Variants in METTL25 observed in about 807,000 individuals in gnomAD.
METTL25 encodes the protein probable methyltransferase-like protein 25.
In METTL25, 64 loss-of-function variants were observed where a neutral mutation model predicts 71.6. The observed-to-expected ratio is 0.89, with a 90% CI of 0.73 to 1.10. The LOEUF is 1.10. METTL25 is among the 50% of genes least tolerant of loss of function. The pLI is 0.00. For synonymous variants in METTL25, 287 were observed against 250.3 expected, an observed-to-expected ratio of 1.15 and a Z score of -1.38; for missense variants, 807 against 707.0, an observed-to-expected ratio of 1.14 and a Z score of -1.60.
chr12:82,374,319 T>C (rs1463377988), intron 1 of METTL25: 1 of 152,328 alleles, frequency 6.6e-6, no homozygotes, highest in Admixed American at 6.5e-5. Flanking sequence ...AGGTTGCTGC[T>C]GCTGGCTGGG....
intron 1 of METTL25, among the ~76,000 whole-genome samples, chr12:82,361,143 G>A (rs536675629): frequency 2.5e-3 from 376 of 152,166 alleles, no homozygotes; most frequent in African/African-American, 8.4e-3. Flanking sequence ...GGTCCATTTT[G>A]ACAGGGTGCT....
chr12:82,395,604 T>C (rs901344538), intron 3 of METTL25, among the ~76,000 whole-genome samples: 6 of 152,058 alleles, frequency 3.9e-5, no homozygotes, highest in Non-Finnish European at 8.8e-5. Flanking sequence ...CAGCAAAATG[T>C]ATCTTTACTA....
intron 3 of METTL25, among the ~76,000 whole-genome samples, 181 bp downstream of exon 3, chr12:82,390,103 T>C (rs1885433424): frequency 6.6e-6 from 1 of 152,080 alleles, no homozygotes. Flanking sequence ...CCTAGTATAT[T>C]GTAATTTTAG....
chr12:82,383,158 A>C (rs1486186944), intron 1 of METTL25, among the ~76,000 whole-genome samples: 1 of 152,062 alleles, frequency 6.6e-6, no homozygotes, highest in Non-Finnish European at 1.5e-5. Context: ...CTTGATTCTG[A>C]GAGTCAGGTC....
At chr12:82,393,803 C>T (rs1885824011) in intron 3 of METTL25, among the ~76,000 whole-genome samples, 7 of 151,430 alleles carry the variant, frequency 4.6e-5, no homozygotes. Flanking sequence ...TTGGCTCTTG[C>T]TTTTCTAGTG....
chr12:82,464,940 G>C (rs1892130814), intron 9 of METTL25, among the ~76,000 whole-genome samples: 1 of 151,312 alleles, frequency 6.6e-6, no homozygotes, highest in South Asian at 2.1e-4. Flanking sequence ...AATAATTTTT[G>C]TATGTTGATT....
At chr12:82,441,836 A>G (rs1350572091) in intron 8 of METTL25, among the ~76,000 whole-genome samples, 3 of 40,088 alleles carry the variant, frequency 7.5e-5, no homozygotes, top group East Asian at 2.1e-3. Context: ...CACACACAGA[A>G]AAACCTGTGA....
rs112592060 is a variant in METTL25 at position 82,358,764 on chromosome 12, T to G, written c.199T>G (p.Ser67Ala). ...GCTGGCTGCGCTGAGGAAGTCAGCGTCGGAGACGGAGGCCCTGCCCTCAGA... is the reference window on the plus strand; with the variant it reads ...GCTGGCTGCGCTGAGGAAGTCAGCGGCGGAGACGGAGGCCCTGCCCTCAGA... ...TVLAALRKSA[S>A]ETEALPSETR... Residue 67 changes from serine to alanine, a missense_variant, in exon 1 of 12, where the codon TCG becomes GCG. By Grantham distance (99) the Ser-to-Ala change is moderately conservative (BLOSUM62 1). Transcript: ENST00000248306. 0.081 allele frequency: 129,999 copies of G among 1,613,076 alleles called. 5,828 individuals are homozygous for G. The highest frequency in any genetic ancestry group is 0.093 in the Middle Eastern group (562 of 6,060).
chr12:82,392,632 T>C (rs946225470), intron 3 of METTL25, among the ~76,000 whole-genome samples: 2 of 152,030 alleles, frequency 1.3e-5, no homozygotes, highest in Admixed American at 6.6e-5. Context: ...TAGCTTGATG[T>C]GATCCCATTT....
At chr12:82,420,754 A>G (rs915180715) in intron 5 of METTL25, among the ~76,000 whole-genome samples, 1 of 152,146 alleles carries the variant, frequency 6.6e-6, no homozygotes, top group Non-Finnish European at 1.5e-5. Context: ...GATTTTGTCA[A>G]TTGTACTAAG....
In METTL25 at chr12:82,371,781, G is replaced by A. The variant is rs1024929592; in HGVS notation, c.259+12957G>A. Among the ~76,000 whole-genome samples the A allele has an allele frequency of 9.2e-5, 14 of 152,024 alleles. No individual in the cohort carries two copies. The East Asian group carries it at 1.2e-3, about 13-fold the overall frequency. ...TGACAGGGGAGTATATTTTCTTAACGCCTCCTGTAGCTGCTCAGGGAAGTC... is the reference window on the plus strand; with the variant it reads ...TGACAGGGGAGTATATTTTCTTAACACCTCCTGTAGCTGCTCAGGGAAGTC... On this transcript the variant is annotated intron_variant, in intron 1 of 11. Coordinates refer to ENST00000248306, the MANE Select transcript of METTL25 (RefSeq NM_032230.3).
rs77744323 is a variant in METTL25, at chr12:82,453,878, G to A, written c.1479-2849G>A. Among the ~76,000 whole-genome samples, 18 of 152,130 alleles carry A rather than the reference G, an allele frequency of 1.2e-4. No homozygotes were observed. In the East Asian group the frequency reaches 3.5e-3, roughly 29 times the overall value. ...TGTGAGGTACTATGCTAGGTTCTGG[G>A]GATATTGTTATGAGCAAGACAGCTG... is the stretch of plus-strand genomic sequence containing the variant. On this transcript the variant is annotated intron_variant, in intron 8 of 11. Coordinates refer to ENST00000248306, the MANE Select transcript of METTL25 (RefSeq NM_032230.3).
At chr12:82,477,377 A>T (rs769893583) in intron 11 of METTL25, 25 bp downstream of exon 11, 1 of 1,253,560 alleles carries the variant, frequency 8.0e-7, no homozygotes, top group Non-Finnish European at 1.1e-6. Flanking sequence ...TTTAAAATAC[A>T]CAACAAATAT....
chr12:82,362,018 C>T (rs1161300124), intron 1 of METTL25, among the ~76,000 whole-genome samples: 11 of 152,188 alleles, frequency 7.2e-5, no homozygotes, highest in Non-Finnish European at 1.5e-5. Flanking sequence ...AAACATAATT[C>T]CCAGAGCGCA....
intron 4 of METTL25, among the ~76,000 whole-genome samples, chr12:82,400,042 G>A (rs555242544): frequency 6.6e-5 from 10 of 151,558 alleles, no homozygotes; most frequent in African/African-American, 2.2e-4. Context: ...TGTATAAATA[G>A]GCTGAGTGCC....
chr12:82,401,239 T>C lies in METTL25; in HGVS notation c.1132-1744T>C, dbSNP rs184233399. Among the ~76,000 whole-genome samples, 16 of 152,194 alleles carry C rather than the reference T, an allele frequency of 1.1e-4. No homozygotes were observed. In the East Asian group the frequency reaches 3.1e-3, roughly 29 times the overall value. ...GACATAGGCTAAAATAACATTTTAG[T>C]AAAATAATTTTTAAAAATGTTAGTG... On this transcript the variant is annotated intron_variant, in intron 4 of 11. Coordinates refer to ENST00000248306, the MANE Select transcript of METTL25 (RefSeq NM_032230.3).
intron 5 of METTL25, among the ~76,000 whole-genome samples, chr12:82,423,176 A>G (rs1248544017): frequency 6.6e-6 from 1 of 152,206 alleles, no homozygotes; most frequent in African/African-American, 2.4e-5. Context: ...ACAGCATGGT[A>G]CTAGTACCAA....
chr12:82,463,517 C>G (rs1358729308), intron 9 of METTL25, among the ~76,000 whole-genome samples: 1 of 151,968 alleles, frequency 6.6e-6, no homozygotes, highest in East Asian at 1.9e-4. Context: ...AATATCTTGG[C>G]TATTATAGAT....
chr12:82,400,809 AGTAG>A (rs1285879537), intron 4 of METTL25, among the ~76,000 whole-genome samples: 1 of 152,142 alleles, frequency 6.6e-6, no homozygotes, highest in African/African-American at 2.4e-5. Context: ...ATATTTTACT[AGTAG>A]GATAATATGG....
Sources: gnomAD v4.1 joint callset for allele counts (sites outside exome capture counted in the v4.1 genomes callset) on GRCh38, gnomAD v4.1.1 for gene constraint, MANE v1.5 for transcripts, NCBI Gene and HGNC (gene_info 2026-07-23, HGNC 2026-07-21) for gene names.